DLC1: variants seen among roughly 807,000 people sequenced by gnomAD.
The protein encoded by DLC1 is DLC1 Rho GTPase activating protein.
Under a neutral mutation model 140.3 loss-of-function variants are expected in DLC1, and 54 were observed. The observed-to-expected ratio is 0.38, with a 90% CI of 0.31 to 0.48. The LOEUF is 0.48. Ranked by LOEUF, DLC1 falls within the 20% of genes least tolerant of loss-of-function variation. DLC1 has a pLI of 0.96. For missense variants in DLC1, 2,536 were observed against 1,907.0 expected (o/e 1.33, Z -6.14); for synonymous variants, 986 against 728.1 (o/e 1.35, Z -5.70).
intron 4 of DLC1, among the ~76,000 whole-genome samples, chr8:13,356,860 A>C (rs188641545): frequency 8.0e-5 from 12 of 150,658 alleles, no homozygotes; most frequent in African/African-American, 2.7e-4. Context: ...TTTATTTTTT[A>C]TTATTTATTT....
Position 13,301,341 on chromosome 8 carries a change from C to A in DLC1, c.1348+3928G>T, listed in dbSNP as rs368153876. On this transcript the variant is annotated intron_variant, in intron 5 of 17. Transcript: ENST00000276297. ...GGAGAAAGTGATCTTTCTTCTTCCA[C>A]ATGGACAGCTGTTCAGCTGTTAGTA... Among the ~76,000 whole-genome samples, 22 of 152,218 alleles carry A rather than the reference C, an allele frequency of 1.4e-4. 1 individual carries two copies. The East Asian group carries it at 3.5e-3, about 24-fold the overall frequency.
chr8:13,240,134 A>G (rs1829475825), intron 5 of DLC1, among the ~76,000 whole-genome samples: 1 of 152,090 alleles, frequency 6.6e-6, no homozygotes, highest in Non-Finnish European at 1.5e-5. Flanking sequence ...CGTACTGTGG[A>G]AGTTACACCT....
intron 5 of DLC1, among the ~76,000 whole-genome samples, chr8:13,130,316 C>G (rs1379372775): frequency 1.3e-5 from 2 of 152,174 alleles, no homozygotes; most frequent in Admixed American, 1.3e-4. Flanking sequence ...CATAATAGTT[C>G]TACAAATAAG....
intron 4 of DLC1, among the ~76,000 whole-genome samples, chr8:13,373,526 G>T (rs774537384): frequency 8.5e-5 from 13 of 152,128 alleles, no homozygotes; most frequent in Non-Finnish European, 1.2e-4. Flanking sequence ...ATACACCCTA[G>T]TACAGAAAAT....
chr8:13,489,602 A>G (rs1307368518), intron 2 of DLC1, among the ~76,000 whole-genome samples: 2 of 151,698 alleles, frequency 1.3e-5, no homozygotes, highest in Non-Finnish European at 2.9e-5. Flanking sequence ...AAACTGTGCC[A>G]TAGAGAGATT....
Position 13,092,588 on chromosome 8 carries a change from A to C in DLC1, c.3740+24T>G, listed in dbSNP as rs1165281789. ...AGAATGTAGGCTGCCCCCTGTGTGCATGCACCTCCCATGCAGCCCGTACCT... is the reference window on the plus strand; with the variant it reads ...AGAATGTAGGCTGCCCCCTGTGTGCCTGCACCTCCCATGCAGCCCGTACCT... On this transcript the variant is annotated intron_variant, in intron 13 of 17. Coordinates refer to ENST00000276297, the MANE Select transcript of DLC1 (RefSeq NM_182643.3). 9 of 1,610,742 alleles carry C rather than the reference A, an allele frequency of 5.6e-6. No homozygotes were observed. In the South Asian group the frequency reaches 7.8e-5, roughly 14 times the overall value.
chr8:13,327,692 T>A (rs1833426919), intron 4 of DLC1, among the ~76,000 whole-genome samples: 1 of 152,308 alleles, frequency 6.6e-6, no homozygotes, highest in Middle Eastern at 3.4e-3. Context: ...ACTGAGCCTC[T>A]ACTCTGTATC....
intron 5 of DLC1, among the ~76,000 whole-genome samples, chr8:13,191,753 G>C (rs1178351754): frequency 1.3e-5 from 2 of 152,092 alleles, no homozygotes; most frequent in Non-Finnish European, 2.9e-5. Flanking sequence ...CTGGTGTCCA[G>C]GCTGTGTGTG....
chr8:13,569,309 G>C (rs1190541995), intron 1 of DLC1, among the ~76,000 whole-genome samples: 1 of 152,040 alleles, frequency 6.6e-6, no homozygotes, highest in Non-Finnish European at 1.5e-5. Context: ...TTTTAGTATT[G>C]TACTTCAGTA....
intron 5 of DLC1, among the ~76,000 whole-genome samples, chr8:13,186,091 C>T (rs1018122954): frequency 2.6e-5 from 4 of 152,268 alleles, no homozygotes; most frequent in Non-Finnish European, 4.4e-5. Context: ...CTTTTTTCTG[C>T]ATTTCAACCT....
Position 13,085,761 on chromosome 8 carries a change from T to C in DLC1, c.*50A>G, listed in dbSNP as rs1817499302. The C allele has an allele frequency of 5.6e-6, 9 of 1,611,360 alleles. 1 individual carries two copies. The East Asian group carries it at 6.7e-5, about 12-fold the overall frequency. ...CCCATTCTTCAAGGACTGGCAAAAG[T>C]TCTAGAAACAAACACCATGGTGGTG... On this transcript the variant is annotated 3_prime_UTR_variant, in exon 18 of 18. Transcript: ENST00000276297.
chr8:13,457,785 T>A (rs1440113396), intron 2 of DLC1, among the ~76,000 whole-genome samples: 1 of 151,746 alleles, frequency 6.6e-6, no homozygotes, highest in Non-Finnish European at 1.5e-5. Flanking sequence ...TGATTCCCGA[T>A]GATCCCTGCC....
chr8:13,463,685 GC>G (rs1799786334), intron 2 of DLC1, among the ~76,000 whole-genome samples: 1 of 152,156 alleles, frequency 6.6e-6, no homozygotes, highest in African/African-American at 2.4e-5. Flanking sequence ...TGTTCTAATA[GC>G]CACTCATAGT....
chr8:13,214,704 T>C (rs377750663), intron 5 of DLC1: 1 of 780,978 alleles, frequency 1.3e-6, no homozygotes, highest in Non-Finnish European at 2.4e-6. Context: ...CAATTGCCAC[T>C]TCCGAGTTGG....
intron 4 of DLC1, among the ~76,000 whole-genome samples, chr8:13,377,633 G>C (rs17092251): frequency 6.6e-6 from 1 of 151,848 alleles, no homozygotes; most frequent in East Asian, 1.9e-4. Context: ...TTTACTGTGC[G>C]ATACACATTT....
intron 4 of DLC1, among the ~76,000 whole-genome samples, chr8:13,315,557 G>A (rs765281597): frequency 1.3e-5 from 2 of 152,164 alleles, no homozygotes; most frequent in African/African-American, 4.8e-5. Context: ...TGATGTTGGG[G>A]CCTTTCAATT....
chr8:13,372,500 G>A (rs1327008719), intron 4 of DLC1, among the ~76,000 whole-genome samples: 1 of 152,204 alleles, frequency 6.6e-6, no homozygotes, highest in Admixed American at 6.5e-5. Context: ...CAGTTCTTCA[G>A]AGACGCCAAC....
intron 5 of DLC1, among the ~76,000 whole-genome samples, chr8:13,245,490 C>T (rs960884083): frequency 6.6e-6 from 1 of 152,162 alleles, no homozygotes; most frequent in Admixed American, 6.5e-5. Flanking sequence ...CAGAAATCTG[C>T]TCATTAACCC....
At position 13,461,863 on chromosome 8, in the gene DLC1, A is replaced by G. The variant is rs570424834; in HGVS notation, c.1023+37186T>C. On this transcript the variant is annotated intron_variant, in intron 2 of 17. Transcript: ENST00000276297. Reference sequence around the variant, plus strand: ...CTCATTGATAATTAAGTTAATACACACAGTATTTGAGGATGCAGCCTGTGA... The same window carrying G: ...CTCATTGATAATTAAGTTAATACACGCAGTATTTGAGGATGCAGCCTGTGA... Among the ~76,000 whole-genome samples the G allele has an allele frequency of 1.7e-4, 26 of 152,284 alleles. No individual in the cohort carries two copies. In the Middle Eastern group the frequency reaches 0.01, roughly 60 times the overall value.
Sources: gnomAD v4.1 joint callset for allele counts (sites outside exome capture counted in the v4.1 genomes callset) on GRCh38, gnomAD v4.1.1 for gene constraint, MANE v1.5 for transcripts, NCBI Gene and HGNC (gene_info 2026-07-23, HGNC 2026-07-21) for gene names.